The following ZBTB40 variants were observed in gnomAD, a reference collection of about 807,000 sequenced individuals.
ZBTB40 encodes zinc finger and BTB domain containing 40, also known as zinc finger and BTB domain-containing protein 40.
A neutral mutation model predicts 117.5 loss-of-function variants in ZBTB40; 60 were observed. The ratio of observed to expected loss-of-function variants is 0.51; its 90% CI spans 0.41 to 0.63. The LOEUF (loss-of-function observed/expected upper bound fraction) is 0.63. Among genes scored for constraint, ZBTB40 ranks in the 30% least tolerant of loss-of-function variants. ZBTB40 has a pLI of 0.00. For missense variants in ZBTB40, 1,287 were observed against 1,498.5 expected (o/e 0.86, Z 2.33); for synonymous variants, 525 against 577.1 (o/e 0.91, Z 1.29).
At chr1:22,500,591 T>C (rs1186026419) in intron 3 of ZBTB40, among the ~76,000 whole-genome samples, 1 of 152,244 alleles carries the variant, frequency 6.6e-6, no homozygotes, top group Non-Finnish European at 1.5e-5. Flanking sequence ...TCCCACATAC[T>C]TCAGTGCTGC....
intron 3 of ZBTB40, among the ~76,000 whole-genome samples, chr1:22,493,926 A>G (rs541877960): frequency 6.6e-6 from 1 of 151,426 alleles, no homozygotes; most frequent in African/African-American, 2.4e-5. Flanking sequence ...ATCCACCTCT[A>G]CTATTTACTA....
intron 1 of ZBTB40, among the ~76,000 whole-genome samples, chr1:22,433,437 A>AACAAAAACAAAAACAAAAAC (rs1278676722): frequency 0.014 from 1,835 of 130,842 alleles, 69 homozygotes; most frequent in African/African-American, 0.034. Flanking sequence ...CCTCTCAAAA[A>AACAAAAACAAAAACAAAAAC]AAAAAAAAAA....
chr1:22,512,748 G>C (rs1204752929), intron 11 of ZBTB40, among the ~76,000 whole-genome samples, 176 bp from the exon 12 acceptor site: 5 of 152,144 alleles, frequency 3.3e-5, no homozygotes, highest in African/African-American at 1.2e-4. Context: ...CCAGTTGGTG[G>C]GTAGAGAGCA....
intron 1 of ZBTB40, among the ~76,000 whole-genome samples, chr1:22,436,143 T>A (rs1384984650): frequency 1.3e-5 from 2 of 152,214 alleles, no homozygotes; most frequent in Non-Finnish European, 2.9e-5. Flanking sequence ...CAGGTTCATA[T>A]GACCTAGTCT....
chr1:22,465,636 C>T (rs898165650), intron 1 of ZBTB40, among the ~76,000 whole-genome samples: 4 of 152,186 alleles, frequency 2.6e-5, no homozygotes, highest in African/African-American at 9.6e-5. Context: ...AGATTGAGAT[C>T]GGAGTGGGTG....
chr1:22,497,452 G>A (rs1035844958), intron 3 of ZBTB40, among the ~76,000 whole-genome samples: 1 of 152,148 alleles, frequency 6.6e-6, no homozygotes, highest in Non-Finnish European at 1.5e-5. Context: ...TCGTTTTACA[G>A]GTCTATGAAA....
chr1:22,432,808 G>A (rs188263874), intron 1 of ZBTB40, among the ~76,000 whole-genome samples: 47 of 152,320 alleles, frequency 3.1e-4, no homozygotes, highest in African/African-American at 1.1e-3. Context: ...TGTAATGTAA[G>A]TGCAGCAGTT....
chr1:22,516,586 A>G (rs1359615431), intron 12 of ZBTB40, among the ~76,000 whole-genome samples: 1 of 152,138 alleles, frequency 6.6e-6, no homozygotes, highest in Non-Finnish European at 1.5e-5. Context: ...AGCCCAATAC[A>G]TAAACACTGA....
intron 1 of ZBTB40, among the ~76,000 whole-genome samples, chr1:22,433,701 T>C (rs1569732077): frequency 2.0e-5 from 3 of 150,068 alleles, no homozygotes; most frequent in East Asian, 4.0e-4. Flanking sequence ...TGATTTTATG[T>C]ATTGAAGTTA....
chr1:22,465,261 A>G (rs927784707), intron 1 of ZBTB40, among the ~76,000 whole-genome samples: 1 of 151,648 alleles, frequency 6.6e-6, no homozygotes, highest in Non-Finnish European at 1.5e-5. Flanking sequence ...GGAGAGGGTA[A>G]CTCCTCTCTG....
At chr1:22,464,338 G>T (rs1469405629) in intron 1 of ZBTB40, among the ~76,000 whole-genome samples, 2 of 152,186 alleles carry the variant, frequency 1.3e-5, no homozygotes, top group African/African-American at 4.8e-5. Context: ...CCCCAGAAAG[G>T]GTGTAGTTGG....
chr1:22,517,181 T>A, intron 12 of ZBTB40, 119 bp from the exon 13 acceptor site: 1 of 1,407,526 alleles, frequency 7.1e-7, no homozygotes, highest in Middle Eastern at 1.8e-4. Flanking sequence ...GACTGCCTGA[T>A]GTTTTAATGT....
At chr1:22,477,883 T>C (rs1329285381) in intron 1 of ZBTB40, among the ~76,000 whole-genome samples, 2 of 152,192 alleles carry the variant, frequency 1.3e-5, no homozygotes, top group Admixed American at 1.3e-4. Flanking sequence ...GTACTTTTCT[T>C]GCCTTCCTTC....
intron 1 of ZBTB40, among the ~76,000 whole-genome samples, chr1:22,465,775 C>T (rs779911880): frequency 1.3e-5 from 2 of 152,110 alleles, no homozygotes; most frequent in Admixed American, 1.3e-4. Context: ...TTCAGCTGCC[C>T]CATGGGGGGC....
intron 1 of ZBTB40, among the ~76,000 whole-genome samples, chr1:22,462,495 ATTC>A (rs1641154711): frequency 6.6e-6 from 1 of 152,260 alleles, no homozygotes; most frequent in South Asian, 2.1e-4. Flanking sequence ...TCTCAAACGC[ATTC>A]TTCTTCCCTT....
intron 9 of ZBTB40, among the ~76,000 whole-genome samples, chr1:22,509,511 T>C (rs1639172737): frequency 6.6e-6 from 1 of 152,158 alleles, no homozygotes; most frequent in Non-Finnish European, 1.5e-5. Flanking sequence ...CGTGCCCTGC[T>C]AATTTTTTGT....
chr1:22,487,992 A>G (rs1022861138), intron 1 of ZBTB40, among the ~76,000 whole-genome samples: 4 of 152,144 alleles, frequency 2.6e-5, no homozygotes, highest in African/African-American at 9.7e-5. Context: ...TCTTATCTGC[A>G]TGCCTCATGC....
chr1:22,492,779 T>C (rs1411985121), intron 3 of ZBTB40, among the ~76,000 whole-genome samples: 2 of 152,252 alleles, frequency 1.3e-5, no homozygotes, highest in Non-Finnish European at 2.9e-5. Context: ...TGACTCTCTT[T>C]GGGAGGTTTC....
intron 1 of ZBTB40, among the ~76,000 whole-genome samples, chr1:22,480,346 C>G (rs950554562): frequency 1.3e-5 from 2 of 152,106 alleles, no homozygotes; most frequent in African/African-American, 4.8e-5. Flanking sequence ...AATTTATTTT[C>G]TTTTTTCAGC....
Sources: gnomAD v4.1 joint callset for allele counts (sites outside exome capture counted in the v4.1 genomes callset) on GRCh38, gnomAD v4.1.1 for gene constraint, MANE v1.5 for transcripts, NCBI Gene and HGNC (gene_info 2026-07-23, HGNC 2026-07-21) for gene names.